PCDH7: variants seen among roughly 807,000 people sequenced by gnomAD.
PCDH7 encodes protocadherin-7.
Under a neutral mutation model 58.9 loss-of-function variants are expected in PCDH7, and 17 were observed. The ratio of observed to expected loss-of-function variants is 0.29; its 90% CI spans 0.20 to 0.43. The LOEUF is 0.43. PCDH7 is among the 20% of genes least tolerant of loss of function. PCDH7 has a pLI of 1.00. For synonymous variants in PCDH7, 664 were observed against 616.4 expected, an observed-to-expected ratio of 1.08 and a Z score of -1.14; for missense variants, 1,274 against 1,441.0, an observed-to-expected ratio of 0.88 and a Z score of 1.88.
At chr4:30,975,584 A>G (rs1275245962) in intron 3 of PCDH7, among the ~76,000 whole-genome samples, 1 of 152,168 alleles carries the variant, frequency 6.6e-6, no homozygotes, top group Non-Finnish European at 1.5e-5. Flanking sequence ...TTTGTAAAGC[A>G]ACATGTTAGT....
chr4:30,952,186 A>G (rs1747427997), intron 3 of PCDH7, among the ~76,000 whole-genome samples: 1 of 152,148 alleles, frequency 6.6e-6, no homozygotes, highest in South Asian at 2.1e-4. Flanking sequence ...AATATAAAAT[A>G]ATTTCATCCC....
intron 3 of PCDH7, among the ~76,000 whole-genome samples, chr4:31,126,201 G>A (rs901122387): frequency 2.7e-5 from 4 of 147,092 alleles, no homozygotes; most frequent in Non-Finnish European, 5.9e-5. Flanking sequence ...TTGGCTCACT[G>A]CAACCTCTGC....
At chr4:30,974,849 G>A (rs1455431774) in intron 3 of PCDH7, among the ~76,000 whole-genome samples, 1 of 152,182 alleles carries the variant, frequency 6.6e-6, no homozygotes, top group Non-Finnish European at 1.5e-5. Context: ...CTAAAGGCAA[G>A]CTAAGAGAAA....
chr4:31,029,887 G>T (rs1454246224), intron 3 of PCDH7, among the ~76,000 whole-genome samples: 1 of 152,092 alleles, frequency 6.6e-6, no homozygotes, highest in African/African-American at 2.4e-5. Context: ...AACTCTGTGG[G>T]TTCTGAGCAT....
At chr4:30,793,535 T>TA (rs201762472) in intron 1 of PCDH7, among the ~76,000 whole-genome samples, 122 of 149,708 alleles carry the variant, frequency 8.1e-4, no homozygotes, top group African/African-American at 1.2e-3. Context: ...TGAAGACAAT[T>TA]AAAAAAAGAA....
intron 1 of PCDH7, among the ~76,000 whole-genome samples, chr4:30,768,620 A>G (rs939494248): frequency 1.3e-5 from 2 of 152,228 alleles, no homozygotes; most frequent in Non-Finnish European, 2.9e-5. Flanking sequence ...TTCAAGTAAG[A>G]GAAGATACTT....
chr4:30,775,792 G>T (rs1448432254), intron 1 of PCDH7, among the ~76,000 whole-genome samples: 2 of 152,216 alleles, frequency 1.3e-5, no homozygotes, highest in African/African-American at 4.8e-5. Context: ...AGCTACTCGG[G>T]AGGCTGAGGC....
chr4:30,965,748 G>C (rs1488401238), intron 3 of PCDH7, among the ~76,000 whole-genome samples: 1 of 151,924 alleles, frequency 6.6e-6, no homozygotes, highest in African/African-American at 2.4e-5. Flanking sequence ...TTCCTTCTCT[G>C]TTCTTGCATC....
At chr4:31,127,834 T>C (rs1718480555) in intron 3 of PCDH7, among the ~76,000 whole-genome samples, 1 of 152,056 alleles carries the variant, frequency 6.6e-6, no homozygotes, top group African/African-American at 2.4e-5. Context: ...TATATTATGC[T>C]ATAGCAAATG....
intron 1 of PCDH7, among the ~76,000 whole-genome samples, chr4:30,776,002 G>A (rs1722020306): frequency 6.6e-6 from 1 of 152,184 alleles, no homozygotes; most frequent in Non-Finnish European, 1.5e-5. Context: ...TAGAATGTTG[G>A]CAAGTACATT....
chr4:30,839,386 G>A (rs893288982), intron 1 of PCDH7, among the ~76,000 whole-genome samples: 1 of 152,070 alleles, frequency 6.6e-6, no homozygotes, highest in African/African-American at 2.4e-5. Flanking sequence ...TATAGCTATT[G>A]TGTGTAAGCT....
At chr4:30,933,901 T>G (rs1408516611) in intron 2 of PCDH7, among the ~76,000 whole-genome samples, 1 of 152,264 alleles carries the variant, frequency 6.6e-6, no homozygotes, top group Non-Finnish European at 1.5e-5. Context: ...GGCCCAGTCC[T>G]TACGATTTCC....
intron 1 of PCDH7, among the ~76,000 whole-genome samples, chr4:30,862,624 A>G (rs974219005): frequency 3.3e-5 from 5 of 152,174 alleles, no homozygotes; most frequent in African/African-American, 1.2e-4. Context: ...ATATCCTTTT[A>G]GGGTTTGTCG....
chr4:30,966,004 A>G (rs1748963585), intron 3 of PCDH7, among the ~76,000 whole-genome samples: 1 of 152,138 alleles, frequency 6.6e-6, no homozygotes, highest in Non-Finnish European at 1.5e-5. Flanking sequence ...TCTTCAGTGC[A>G]CATAAGATGA....
chr4:31,071,787 A>T (rs1758560652), intron 3 of PCDH7, among the ~76,000 whole-genome samples: 1 of 152,014 alleles, frequency 6.6e-6, no homozygotes, highest in African/African-American at 2.4e-5. Context: ...TTCAAAAAAG[A>T]CTCAGGAATA....
intron 3 of PCDH7, among the ~76,000 whole-genome samples, chr4:31,035,203 C>T (rs983108290): frequency 1.3e-5 from 2 of 148,722 alleles, no homozygotes; most frequent in Non-Finnish European, 3.0e-5. Flanking sequence ...AGCATCAATT[C>T]AATATGACCT....
chr4:30,938,697 G>A (rs1262752755), intron 2 of PCDH7, among the ~76,000 whole-genome samples: 1 of 151,896 alleles, frequency 6.6e-6, no homozygotes. Flanking sequence ...TTTTTATATT[G>A]TAAAATCAAG....
intron 1 of PCDH7, among the ~76,000 whole-genome samples, chr4:30,726,898 T>TGGG (rs1205057406): frequency 6.6e-6 from 1 of 151,980 alleles, no homozygotes; most frequent in African/African-American, 2.4e-5. Context: ...CTGACATAAA[T>TGGG]GGGATCCTTT....
At chr4:30,895,793 C>T (rs1739326589) in intron 1 of PCDH7, among the ~76,000 whole-genome samples, 1 of 152,134 alleles carries the variant, frequency 6.6e-6, no homozygotes, top group Non-Finnish European at 1.5e-5. Flanking sequence ...TTCTACCTTA[C>T]TCAGATTGTG....
Sources: gnomAD v4.1 joint callset for allele counts (sites outside exome capture counted in the v4.1 genomes callset) on GRCh38, gnomAD v4.1.1 for gene constraint, MANE v1.5 for transcripts, NCBI Gene and HGNC (gene_info 2026-07-23, HGNC 2026-07-21) for gene names.